Variants in WFDC10B observed in about 807,000 individuals in gnomAD.
The protein encoded by WFDC10B is protein WFDC10B.
Under a neutral mutation model 2.7 loss-of-function variants are expected in WFDC10B, and 1 was observed. That is an observed-to-expected ratio of 0.38 (90% confidence interval 0.13 to 1.79). The LOEUF (loss-of-function observed/expected upper bound fraction) is 1.79. Among genes scored for constraint, WFDC10B ranks in the 40% most tolerant of loss-of-function variants. The probability of loss-of-function intolerance (pLI) is 0.33; values close to 1 mark genes in which losing one functional copy is unlikely to be tolerated. For synonymous variants in WFDC10B, 26 were observed against 32.2 expected (o/e 0.81, Z 0.65); for missense variants, 71 against 87.8 (o/e 0.81, Z 0.76).
intron 2 of WFDC10B, among the ~76,000 whole-genome samples, chr20:45,688,980 C>G (rs1290577702): frequency 6.6e-6 from 1 of 151,412 alleles, no homozygotes; most frequent in African/African-American, 2.4e-5. Flanking sequence ...TTAGGTATAA[C>G]GTTTAAGTCT....
intron 2 of WFDC10B, among the ~76,000 whole-genome samples, chr20:45,701,626 G>A (rs1473968683): frequency 1.3e-5 from 2 of 151,962 alleles, no homozygotes; most frequent in Admixed American, 6.6e-5. Flanking sequence ...GCTGGACATG[G>A]TGGTACACGC....
At position 45,684,652 on chromosome 20, in the gene WFDC10B, C is replaced by A. The variant is rs1983544689; in HGVS notation, c.*178G>T. On this transcript the variant is annotated 3_prime_UTR_variant, in exon 4 of 4. Transcript: ENST00000330523. ...GTAGTGGCAGCAAAAGAGGCAGGAT[C>A]CATGGGCATTTGTTCTGGTTTATTT... 4 of 759,874 alleles carry A rather than the reference C, an allele frequency of 5.3e-6. No individual in the cohort carries two copies. Among genetic ancestry groups the A allele is most frequent in the Middle Eastern group, 3.9e-4 (1 of 2,576 alleles). The allele number at this position is 759,874 out of a possible 1,614,324, so 47.1% of individuals were successfully genotyped here. A position where few individuals can be genotyped will look rare whatever the true frequency, so the allele number is the denominator to read the frequency against.
intron 2 of WFDC10B, among the ~76,000 whole-genome samples, chr20:45,686,673 T>C (rs1411660682): frequency 2.6e-5 from 4 of 151,422 alleles, no homozygotes; most frequent in South Asian, 2.1e-4. Context: ...AATTCTTCTT[T>C]TTTTTTTTTT....
rs1476502993 is a variant in WFDC10B, at chr20:45,704,488, T to C, written c.-65+9A>G. On this transcript the variant is annotated intron_variant, in intron 2 of 3. Coordinates refer to ENST00000330523, the MANE Select transcript of WFDC10B (RefSeq NM_172006.2). The stretch of plus-strand genomic sequence containing the variant: ...ACCCTGCATATCAGCACCTGAAAAC[T>C]GTACTCACCTGTGTACAATGCAGGA... The C allele has an allele frequency of 5.0e-6, 8 of 1,614,120 alleles. No individual in the cohort carries two copies. Among genetic ancestry groups the C allele is most frequent in the Non-Finnish European group, 6.8e-6 (8 of 1,179,992 alleles).
chr20:45,702,296 T>C, intron 2 of WFDC10B: 1 of 1,350,086 alleles, frequency 7.4e-7, no homozygotes, highest in South Asian at 1.3e-5. Flanking sequence ...TCACACCTCT[T>C]GGAAAAATAC....
At chr20:45,702,685 T>C (rs1042036016) in intron 2 of WFDC10B, among the ~76,000 whole-genome samples, 2 of 152,218 alleles carry the variant, frequency 1.3e-5, no homozygotes, top group African/African-American at 4.8e-5. Flanking sequence ...AAAGGAAGTC[T>C]TGCCTTTTAT....
intron 2 of WFDC10B, among the ~76,000 whole-genome samples, chr20:45,699,529 GT>G (rs1984082599): frequency 6.6e-6 from 1 of 152,106 alleles, no homozygotes; most frequent in Non-Finnish European, 1.5e-5. Context: ...CTACCCAATT[GT>G]TTTGGAAAAA....
chr20:45,685,858 C>A, intron 3 of WFDC10B, 44 bp downstream of exon 3: 4 of 1,608,126 alleles, frequency 2.5e-6, no homozygotes, highest in Non-Finnish European at 3.4e-6. Context: ...CCTCCATTCC[C>A]CCTACCCAAC....
At chr20:45,696,754 T>G (rs1036994450) in intron 2 of WFDC10B, among the ~76,000 whole-genome samples, 1 of 152,152 alleles carries the variant, frequency 6.6e-6, no homozygotes, top group Non-Finnish European at 1.5e-5. Context: ...ATAGAATCAG[T>G]AATTTTTGAA....
chr20:45,688,475 C>T (rs1041343880), intron 2 of WFDC10B, among the ~76,000 whole-genome samples: 1 of 152,196 alleles, frequency 6.6e-6, no homozygotes, highest in Non-Finnish European at 1.5e-5. Context: ...AAAAGTGTTC[C>T]TATTTCTCCA....
At chr20:45,701,022 T>C (rs1190742962) in intron 2 of WFDC10B, among the ~76,000 whole-genome samples, 1 of 152,216 alleles carries the variant, frequency 6.6e-6, no homozygotes, top group Non-Finnish European at 1.5e-5. Flanking sequence ...AAATAGTATT[T>C]GTAGAAAGTG....
intron 2 of WFDC10B, among the ~76,000 whole-genome samples, chr20:45,690,145 T>C (rs1398532859): frequency 6.6e-6 from 1 of 152,084 alleles, no homozygotes; most frequent in African/African-American, 2.4e-5. Flanking sequence ...ATTACATTTA[T>C]TGATTTGCGT....
At chr20:45,687,321 T>C (rs991452293) in intron 2 of WFDC10B, among the ~76,000 whole-genome samples, 56 of 152,322 alleles carry the variant, frequency 3.7e-4, no homozygotes, top group Middle Eastern at 3.4e-3. Flanking sequence ...GTTCCATCCA[T>C]GTCCTTGCAA....
At chr20:45,700,533 G>A (rs1482848691) in intron 2 of WFDC10B, among the ~76,000 whole-genome samples, 1 of 152,098 alleles carries the variant, frequency 6.6e-6, no homozygotes, top group Non-Finnish European at 1.5e-5. Flanking sequence ...ATGGCTTAAT[G>A]TTTGAAAATC....
chr20:45,693,237 AC>A (rs1568671711), intron 2 of WFDC10B, among the ~76,000 whole-genome samples: 2 of 152,110 alleles, frequency 1.3e-5, no homozygotes, highest in Admixed American at 6.5e-5. Flanking sequence ...GTCTGCCCCT[AC>A]TGGGGGGTGC....
chr20:45,687,463 C>T (rs1006765025), intron 2 of WFDC10B, among the ~76,000 whole-genome samples: 1 of 152,148 alleles, frequency 6.6e-6, no homozygotes, highest in Non-Finnish European at 1.5e-5. Context: ...AATAGTGCTG[C>T]AATGAACATA....
chr20:45,693,131 G>A (rs1458703602), intron 2 of WFDC10B, among the ~76,000 whole-genome samples: 1 of 152,212 alleles, frequency 6.6e-6, no homozygotes, highest in African/African-American at 2.4e-5. Context: ...AGCGGTGTCT[G>A]CAGAACAGTG....
chr20:45,685,420 C>T (rs930746200), intron 3 of WFDC10B, among the ~76,000 whole-genome samples: 1 of 152,112 alleles, frequency 6.6e-6, no homozygotes, highest in Non-Finnish European at 1.5e-5. Context: ...TCGCTTCCCA[C>T]CACCACTCTC....
At chr20:45,700,289 CTAAT>C (rs1181462440) in intron 2 of WFDC10B, among the ~76,000 whole-genome samples, 2 of 152,108 alleles carry the variant, frequency 1.3e-5, no homozygotes, top group African/African-American at 4.8e-5. Flanking sequence ...GTTCAAGTAA[CTAAT>C]TATCTTAAAT....
Sources: gnomAD v4.1 joint callset for allele counts (sites outside exome capture counted in the v4.1 genomes callset) on GRCh38, gnomAD v4.1.1 for gene constraint, MANE v1.5 for transcripts, NCBI Gene and HGNC (gene_info 2026-07-23, HGNC 2026-07-21) for gene names.